Variants in MYO1D observed in about 807,000 individuals in gnomAD.
MYO1D encodes the protein myosin ID, also known as unconventional myosin-Id.
Under a neutral mutation model 122.0 loss-of-function variants are expected in MYO1D, and 83 were observed. The observed-to-expected ratio is 0.68, with a 90% CI of 0.57 to 0.82. The LOEUF is 0.82. MYO1D is among the 40% of genes least tolerant of loss of function. The probability of loss-of-function intolerance (pLI) is 0.00; values close to 1 mark genes in which losing one functional copy is unlikely to be tolerated. For synonymous variants in MYO1D, 464 were observed against 446.9 expected (o/e 1.04, Z -0.48); for missense variants, 1,157 against 1,269.5 (o/e 0.91, Z 1.35).
chr17:32,729,594 G>A (rs1400280044), intron 14 of MYO1D, among the ~76,000 whole-genome samples: 1 of 152,120 alleles, frequency 6.6e-6, no homozygotes, highest in African/African-American at 2.4e-5. Context: ...AAGATAGTGA[G>A]GAAAGACCTG....
rs149312018 is a variant in MYO1D, at chr17:32,624,108, C to G, written c.2709+14614G>C. The stretch of plus-strand genomic sequence containing the variant: ...ACTTTTAACAGATGTTTCCAAGGAG[C>G]CAAAACAACAAAAGTGAAAAAATTT... On this transcript the variant is annotated intron_variant, in intron 20 of 21. Coordinates refer to ENST00000318217, the MANE Select transcript of MYO1D (RefSeq NM_015194.3). Among the ~76,000 whole-genome samples, 45 of 152,144 alleles carry G rather than the reference C, an allele frequency of 3.0e-4. No individual in the cohort carries two copies. The East Asian group carries it at 7.7e-3, about 26-fold the overall frequency.
At chr17:32,814,399 C>T (rs1196044450) in intron 1 of MYO1D, among the ~76,000 whole-genome samples, 1 of 152,156 alleles carries the variant, frequency 6.6e-6, no homozygotes, top group Non-Finnish European at 1.5e-5. Context: ...AAATTTATCC[C>T]TTCTTTTTTT....
intron 16 of MYO1D, among the ~76,000 whole-genome samples, chr17:32,660,597 A>T (rs1248734365): frequency 6.6e-6 from 1 of 152,174 alleles, no homozygotes; most frequent in African/African-American, 2.4e-5. Context: ...TCATCAAGGG[A>T]CCCCAATGGG....
intron 7 of MYO1D, among the ~76,000 whole-genome samples, chr17:32,766,888 A>C (rs931526646): frequency 5.3e-5 from 8 of 152,194 alleles, no homozygotes; most frequent in African/African-American, 1.9e-4. Context: ...AGATGAGACA[A>C]TTTATAATAC....
Position 32,876,774 on chromosome 17 carries a change from T to A in MYO1D, c.95+4A>T, listed in dbSNP as rs1470418160. On this transcript the variant is annotated splice_donor_region_variant and intron_variant, in intron 1 of 21. Coordinates refer to ENST00000318217, the MANE Select transcript of MYO1D (RefSeq NM_015194.3). ...GCCCCTGCGCGCGGCCGCTCCGCCC[T>A]CACCTGAGCCTGAGGTTGGCCATGA... 3 of 1,506,098 alleles carry A rather than the reference T, an allele frequency of 2.0e-6. No individual in the cohort carries two copies. Among genetic ancestry groups the A allele is most frequent in the Admixed American group, 4.4e-5 (2 of 45,554 alleles). 93.3% of individuals were successfully genotyped at this position (1,506,098 alleles called of 1,614,324 possible).
chr17:32,575,617 A>G (rs2087271504), intron 21 of MYO1D, among the ~76,000 whole-genome samples: 1 of 152,170 alleles, frequency 6.6e-6, no homozygotes, highest in African/African-American at 2.4e-5. Context: ...TATGCAGCGA[A>G]TCCCATGGAC....
chr17:32,687,221 G>A (rs2089028017), intron 16 of MYO1D, among the ~76,000 whole-genome samples: 2 of 141,458 alleles, frequency 1.4e-5, no homozygotes, highest in African/African-American at 2.7e-5. Context: ...TTCTGAGACA[G>A]AGTCTCACTC....
chr17:32,592,462 T>G (rs1309280324), intron 21 of MYO1D, among the ~76,000 whole-genome samples: 1 of 152,228 alleles, frequency 6.6e-6, no homozygotes, highest in Non-Finnish European at 1.5e-5. Flanking sequence ...TCTTTTGGAT[T>G]TATCCTTTAT....
chr17:32,779,280 G>A (rs1029230664), intron 2 of MYO1D, among the ~76,000 whole-genome samples: 1 of 151,948 alleles, frequency 6.6e-6, no homozygotes, highest in South Asian at 2.1e-4. Flanking sequence ...TCTATAGACT[G>A]TACTGTAAGT....
chr17:32,828,922 T>G (rs1454117299), intron 1 of MYO1D, among the ~76,000 whole-genome samples: 1 of 152,200 alleles, frequency 6.6e-6, no homozygotes, highest in Non-Finnish European at 1.5e-5. Context: ...CGGGTAAACC[T>G]GCTTAAAGCC....
At chr17:32,874,989 T>C (rs912615338) in intron 1 of MYO1D, among the ~76,000 whole-genome samples, 1 of 152,244 alleles carries the variant, frequency 6.6e-6, no homozygotes, top group Non-Finnish European at 1.5e-5. Flanking sequence ...CAAACTAATG[T>C]AGCCCTGTTA....
intron 21 of MYO1D, among the ~76,000 whole-genome samples, chr17:32,517,865 T>C (rs1375778350): frequency 6.6e-6 from 1 of 152,348 alleles, no homozygotes; most frequent in East Asian, 1.9e-4. Context: ...GAAGTGCCTG[T>C]GAAGGAGCGG....
intron 1 of MYO1D, among the ~76,000 whole-genome samples, chr17:32,846,784 A>G (rs879773264): frequency 7.9e-5 from 12 of 152,182 alleles, no homozygotes; most frequent in Non-Finnish European, 5.9e-5. Context: ...CTTTGAGACC[A>G]GCCTGGGCAA....
At position 32,527,657 on chromosome 17, in the gene MYO1D, G is replaced by A. The variant is rs140034595; in HGVS notation, c.2865-32742C>T. The stretch of plus-strand genomic sequence containing the variant: ...AAAATAAGATAAAAAAAATAGCTGG[G>A]TATGGTGGTATGTGCCTGTAGTCCC... On this transcript the variant is annotated intron_variant, in intron 21 of 21. Transcript: ENST00000318217. Among the ~76,000 whole-genome samples the A allele has an allele frequency of 1.2e-3, 185 of 152,146 alleles. 1 individual carries two copies. Among genetic ancestry groups the A allele is most frequent in the Admixed American group, 9.5e-3 (146 of 15,292 alleles).
rs560953120 is a variant in MYO1D, at chr17:32,864,007, C to CTTTTTTTT, written c.95+12763_95+12770dup. Among the ~76,000 whole-genome samples the CTTTTTTTT allele has an allele frequency of 7.1e-3, 347 of 48,964 alleles. 87 individuals are homozygous for CTTTTTTTT. Among genetic ancestry groups the CTTTTTTTT allele is most frequent in the East Asian group, 0.017 (13 of 754 alleles). The allele number at this position is 48,964 out of a possible 152,430, so 32.1% of individuals were successfully genotyped here. ...TAATTTTGGTTACAAACATTTCTTC[C>CTTTTTTTT]TTTTTTTTTTTTTTTTTTTTTTTTT... On this transcript the variant is annotated intron_variant, in intron 1 of 21. Coordinates refer to ENST00000318217, the MANE Select transcript of MYO1D (RefSeq NM_015194.3).
At chr17:32,707,821 C>A (rs1186999815) in intron 16 of MYO1D, among the ~76,000 whole-genome samples, 1 of 152,214 alleles carries the variant, frequency 6.6e-6, no homozygotes, top group Non-Finnish European at 1.5e-5. Flanking sequence ...TGCCTAATGA[C>A]CAGTTCCTGG....
Position 32,672,871 on chromosome 17 carries a change from G to A in MYO1D, c.2122-13533C>T, listed in dbSNP as rs2088741713. Among the ~76,000 whole-genome samples the A allele has an allele frequency of 2.0e-5, 3 of 151,984 alleles. No individual in the cohort carries two copies. In the South Asian group the frequency reaches 6.2e-4, roughly 32 times the overall value. ...TTTATAGTATTCCAATAATAATAAA[G>A]GGCAGAGATGTGGCCACTGAGAGGA... On this transcript the variant is annotated intron_variant, in intron 16 of 21. Coordinates refer to ENST00000318217, the MANE Select transcript of MYO1D (RefSeq NM_015194.3).
chr17:32,626,789 T>C (rs1255791654), intron 20 of MYO1D, among the ~76,000 whole-genome samples: 3 of 152,180 alleles, frequency 2.0e-5, no homozygotes, highest in Non-Finnish European at 2.9e-5. Flanking sequence ...CTTCTTTCTC[T>C]CTTATTAACA....
chr17:32,707,583 A>G (rs2089324521), intron 16 of MYO1D, among the ~76,000 whole-genome samples: 1 of 152,214 alleles, frequency 6.6e-6, no homozygotes, highest in African/African-American at 2.4e-5. Flanking sequence ...AAAAGAGTTT[A>G]CATAGCAGGC....
Sources: allele counts gnomAD v4.1 joint callset (sites outside exome capture counted in the v4.1 genomes callset), GRCh38; gene constraint gnomAD v4.1.1; transcripts MANE v1.5; gene names NCBI Gene and HGNC (gene_info 2026-07-23, HGNC 2026-07-21).